PLEKHG1: variants seen among roughly 807,000 people sequenced by gnomAD.
PLEKHG1 encodes pleckstrin homology and RhoGEF domain containing G1, also known as pleckstrin homology domain-containing family G member 1.
PLEKHG1 carries 44 observed loss-of-function variants against 100.8 expected under a neutral mutation model. The observed-to-expected ratio is 0.44, with a 90% CI of 0.34 to 0.56. The LOEUF is 0.56. PLEKHG1 is among the 20% of genes least tolerant of loss of function. PLEKHG1 has a pLI of 0.01. For synonymous variants in PLEKHG1, 640 were observed against 662.5 expected (o/e 0.97, Z 0.52); for missense variants, 1,545 against 1,720.9 (o/e 0.90, Z 1.81).
In PLEKHG1 at chr6:150,824,586, A is replaced by T. The variant is rs1416681378; in HGVS notation, c.1470+910A>T. Among the ~76,000 whole-genome samples, 5 of 151,412 alleles carry T rather than the reference A, an allele frequency of 3.3e-5. No individual in the cohort carries two copies. The East Asian group carries it at 9.7e-4, about 29-fold the overall frequency. ...GCCCAGGCTGGAGTGCAGTGGTGCA[A>T]TCTCAGTTCACTGCAACCTCTGACT... On this transcript the variant is annotated intron_variant, in intron 14 of 15. Transcript: ENST00000358517.
At chr6:150,791,131 G>A (rs1022732521) in intron 4 of PLEKHG1, among the ~76,000 whole-genome samples, 11 of 152,198 alleles carry the variant, frequency 7.2e-5, no homozygotes, top group African/African-American at 1.4e-4. Context: ...CAGCATCAGC[G>A]TCACTTGGGA....
chr6:150,742,355 A>C (rs1782909504), intron 2 of PLEKHG1, among the ~76,000 whole-genome samples: 1 of 152,130 alleles, frequency 6.6e-6, no homozygotes, highest in African/African-American at 2.4e-5. Context: ...TCACGATGTC[A>C]GGAGTTCAAG....
exon 16 of PLEKHG1, chr6:150,842,901 G>T (rs1407800368): frequency 6.6e-6 from 1 of 152,108 alleles, no homozygotes; most frequent in Non-Finnish European, 1.5e-5. Context: ...GTTAGTAGAG[G>T]CGGGGTTTCA....
chr6:150,821,673 G>A (rs1243656926), intron 13 of PLEKHG1, among the ~76,000 whole-genome samples: 4 of 151,826 alleles, frequency 2.6e-5, no homozygotes, highest in Non-Finnish European at 4.4e-5. Context: ...AACAGAGTGA[G>A]ACCGTGTCAC....
intron 5 of PLEKHG1, among the ~76,000 whole-genome samples, chr6:150,798,508 G>T (rs1156865228): frequency 1.3e-5 from 2 of 152,134 alleles, no homozygotes; most frequent in Non-Finnish European, 2.9e-5. Context: ...TTTGTGCAAG[G>T]ACATTTTTAA....
At chr6:150,822,988 TAAAA>T (rs926730342) in intron 13 of PLEKHG1, among the ~76,000 whole-genome samples, 1 of 151,882 alleles carries the variant, frequency 6.6e-6, no homozygotes, top group African/African-American at 2.4e-5. Flanking sequence ...TCAAAAAAAA[TAAAA>T]AATAAATAAA....
chr6:150,740,310 G>A (rs1241136063), intron 2 of PLEKHG1, among the ~76,000 whole-genome samples: 2 of 152,166 alleles, frequency 1.3e-5, no homozygotes, highest in Non-Finnish European at 1.5e-5. Flanking sequence ...GTATGGAAAG[G>A]GCAGTGTGCA....
chr6:150,701,183 G>A (rs1780757582), intron 3 of PLEKHG1, among the ~76,000 whole-genome samples: 1 of 151,036 alleles, frequency 6.6e-6, no homozygotes, highest in African/African-American at 2.4e-5. Flanking sequence ...AGCCAGGTGT[G>A]GTGGTGGGCG....
intron 10 of PLEKHG1, among the ~76,000 whole-genome samples, chr6:150,817,307 T>C (rs1236506692): frequency 6.6e-6 from 1 of 152,166 alleles, no homozygotes; most frequent in African/African-American, 2.4e-5. Context: ...TCTGGGAGAT[T>C]CTGGGGCACA....
At chr6:150,771,911 C>T (rs1216470051) in intron 3 of PLEKHG1, among the ~76,000 whole-genome samples, 1 of 152,196 alleles carries the variant, frequency 6.6e-6, no homozygotes, top group Non-Finnish European at 1.5e-5. Context: ...GACATTCTGT[C>T]AAAGAGTCAG....
chr6:150,808,372 T>G (rs1787268183), intron 7 of PLEKHG1, among the ~76,000 whole-genome samples: 1 of 152,118 alleles, frequency 6.6e-6, no homozygotes, highest in Non-Finnish European at 1.5e-5. Flanking sequence ...ATGTGTGGTA[T>G]GAACTTCAGT....
At chr6:150,647,038 A>G (rs1778530939) in intron 2 of PLEKHG1, among the ~76,000 whole-genome samples, 1 of 152,196 alleles carries the variant, frequency 6.6e-6, no homozygotes, top group Non-Finnish European at 1.5e-5. Context: ...AAGAAACAAC[A>G]TATTTTGTGC....
rs139347441 is a variant in PLEKHG1 at position 150,634,250 on chromosome 6, C to CA, written c.-203-3818dup. Among the ~76,000 whole-genome samples the CA allele has an allele frequency of 1.7e-3, 208 of 120,226 alleles. 1 individual carries two copies. The highest frequency in any genetic ancestry group is 5.8e-3 in the East Asian group (24 of 4,148). 78.9% of individuals were successfully genotyped at this position (120,226 alleles called of 152,430 possible). ...CAAGAGCAAAACTCGATCTCCCCCC[C>CA]AAAAAAAAAAAAGAAAAAAAGAGGA... is the stretch of plus-strand genomic sequence containing the variant. On this transcript the variant is annotated intron_variant, in intron 1 of 3. Transcript: ENST00000367326.
chr6:150,831,869 G>C lies in PLEKHG1; in HGVS notation c.2758G>C (p.Asp920His), dbSNP rs1488009298. ...CCGCGCCAACTGCCCCTTTGAGGAAGACCTGATTTCTAAAGAAGGCTCCTT... is the reference window on the plus strand; with the variant it reads ...CCGCGCCAACTGCCCCTTTGAGGAACACCTGATTTCTAAAGAAGGCTCCTT... Residue 920 changes from aspartate (D) to histidine (H), a missense_variant, in exon 15 of 16, where the codon GAC (aspartate) becomes CAC (histidine). Transcript: ENST00000358517. The surrounding 1 kb of genome is among the most constrained non-coding windows in gnomAD (Gnocchi z 4.1). 4 of 1,613,758 alleles carry C rather than the reference G, an allele frequency of 2.5e-6. No individual in the cohort carries two copies. The East Asian group carries it at 6.7e-5, about 27-fold the overall frequency.
chr6:150,724,453 C>A (rs545813558), intron 1 of PLEKHG1, among the ~76,000 whole-genome samples: 1 of 152,274 alleles, frequency 6.6e-6, no homozygotes, highest in Admixed American at 6.5e-5. Flanking sequence ...CCTTCATCCC[C>A]CACACTAAGT....
At chr6:150,816,231 A>G (rs988555416) in intron 10 of PLEKHG1, among the ~76,000 whole-genome samples, 1 of 151,326 alleles carries the variant, frequency 6.6e-6, no homozygotes, top group Non-Finnish European at 1.5e-5. Flanking sequence ...GATGTTGGAA[A>G]TGGAAGCAGG....
intron 10 of PLEKHG1, among the ~76,000 whole-genome samples, chr6:150,810,546 G>GAAAGAAAGAAA (rs1787459618): frequency 2.6e-5 from 3 of 113,626 alleles, no homozygotes; most frequent in African/African-American, 3.5e-5. Flanking sequence ...AAGGAAGAAA[G>GAAAGAAAGAAA]GAAGGAAAGA....
intron 3 of PLEKHG1, among the ~76,000 whole-genome samples, chr6:150,771,002 C>T (rs1784691179): frequency 6.6e-6 from 1 of 152,316 alleles, no homozygotes; most frequent in Admixed American, 6.5e-5. Context: ...CATTCAGCCA[C>T]GTGCCCTCCT....
At chr6:150,681,948 C>T (rs1362815416) in intron 3 of PLEKHG1, among the ~76,000 whole-genome samples, 1 of 152,178 alleles carries the variant, frequency 6.6e-6, no homozygotes, top group African/African-American at 2.4e-5. Context: ...GTGCACAGAG[C>T]ATGGTGCTTT....
Sources: allele counts gnomAD v4.1 joint callset (sites outside exome capture counted in the v4.1 genomes callset), GRCh38; gene constraint gnomAD v4.1.1; non-coding constraint Gnocchi (gnomAD v3.1); transcripts MANE v1.5; gene names NCBI Gene and HGNC (gene_info 2026-07-23, HGNC 2026-07-21).